The following GOLGA1 variants were observed in gnomAD, a reference collection of about 807,000 sequenced individuals.
GOLGA1 encodes golgin A1, also known as golgin subfamily A member 1.
Under a neutral mutation model 119.7 loss-of-function variants are expected in GOLGA1, and 63 were observed. The observed-to-expected ratio is 0.53, with a 90% CI of 0.43 to 0.65. The LOEUF is 0.65. GOLGA1 is among the 30% of genes least tolerant of loss of function. The pLI, the probability that GOLGA1 is intolerant of heterozygous loss-of-function variation, is 0.00. For missense variants in GOLGA1, 798 were observed against 912.8 expected (o/e 0.87, Z 1.62); for synonymous variants, 318 against 333.4 (o/e 0.95, Z 0.50).
At position 124,880,310 on chromosome 9, in the gene GOLGA1, C is replaced by T; in HGVS notation, c.*220G>A. On this transcript the variant is annotated 3_prime_UTR_variant, in exon 23 of 23. Coordinates refer to ENST00000373555, the MANE Select transcript of GOLGA1 (RefSeq NM_002077.4). The stretch of plus-strand genomic sequence containing the variant: ...AGCACTGTGGAAATCTGGGTAGTGC[C>T]AGGACCCTCCTGTTTGGTGACCAGA... 2 of 430,822 alleles carry T rather than the reference C, an allele frequency of 4.6e-6. No homozygotes were observed. Among genetic ancestry groups the T allele is most frequent in the Non-Finnish European group, 8.7e-6 (2 of 228,580 alleles). The allele number at this position is 430,822 out of a possible 1,614,324, so 26.7% of individuals were successfully genotyped here. A position where few individuals can be genotyped will look rare whatever the true frequency, so the allele number is the denominator to read the frequency against.
At chr9:124,911,850 A>T in intron 11 of GOLGA1, 51 bp downstream of exon 11, 1 of 1,554,764 alleles carries the variant, frequency 6.4e-7, no homozygotes, top group Non-Finnish European at 8.8e-7. Context: ...AAGTCACCAG[A>T]ATCAACCCTG....
chr9:124,946,415 A>T lies in GOLGA1; in HGVS notation c.-156+1503T>A, dbSNP rs1831145739. On this transcript the variant is annotated intron_variant, in intron 1 of 4. Coordinates refer to the GOLGA1 transcript ENST00000421514. This position sits in a 1 kb window ranked among gnomAD's most constrained non-coding sequence, Gnocchi z 4.0. ...GGGTGGTAAAACAGACTCCTGAGATAATTTCTCTATTTTAAGATAATATTG... is the reference window on the plus strand; with the variant it reads ...GGGTGGTAAAACAGACTCCTGAGATTATTTCTCTATTTTAAGATAATATTG... The T allele has an allele frequency of 6.6e-6, 1 of 152,182 alleles. No individual in the cohort carries two copies. Among genetic ancestry groups the T allele is most frequent in the South Asian group, 2.1e-4 (1 of 4,832 alleles). The allele number at this position is 152,182 out of a possible 1,614,324, so 9.4% of individuals were successfully genotyped here. A position where few individuals can be genotyped will look rare whatever the true frequency, so the allele number is the denominator to read the frequency against.
At chr9:124,896,195 C>T (rs933422399) in intron 15 of GOLGA1, among the ~76,000 whole-genome samples, 5 of 152,078 alleles carry the variant, frequency 3.3e-5, no homozygotes, top group African/African-American at 1.2e-4. Flanking sequence ...AGGTGGATCA[C>T]TTGAGGTCAG....
Position 124,923,226 on chromosome 9 carries a change from A to G in GOLGA1, c.433-3T>C, listed in dbSNP as rs999939704. On this transcript the variant is annotated splice_region_variant and splice_polypyrimidine_tract_variant and intron_variant, in intron 7 of 22. Transcript: ENST00000373555. ...TGGGCTGTCAGAATATTTTTCTCCT[A>G]TTTGAAAGAAGAAGACATCAACTCA... 3 of 1,586,110 alleles carry G rather than the reference A, an allele frequency of 1.9e-6. No individual in the cohort carries two copies. Among genetic ancestry groups the G allele is most frequent in the East Asian group, 2.2e-5 (1 of 44,550 alleles).
At chr9:124,889,028 C>T (rs1056579769) in intron 18 of GOLGA1, 115 bp downstream of exon 18, 1 of 775,460 alleles carries the variant, frequency 1.3e-6, no homozygotes, top group Non-Finnish European at 2.0e-6. Context: ...AAGGACCCTA[C>T]ATGCAGGGGA....
chr9:124,895,574 A>C (rs570059270), intron 15 of GOLGA1, among the ~76,000 whole-genome samples: 27 of 146,668 alleles, frequency 1.8e-4, no homozygotes, highest in African/African-American at 6.8e-4. Context: ...CTCCACAACA[A>C]AGAACCACCC....
At chr9:124,884,760 T>C (rs1349327804) in intron 19 of GOLGA1, among the ~76,000 whole-genome samples, 1 of 152,202 alleles carries the variant, frequency 6.6e-6, no homozygotes, top group Non-Finnish European at 1.5e-5. Flanking sequence ...CAAAAGTACA[T>C]TGGCTACTTT....
At chr9:124,920,642 A>G (rs1182782652) in intron 10 of GOLGA1, among the ~76,000 whole-genome samples, 2 of 152,066 alleles carry the variant, frequency 1.3e-5, no homozygotes, top group African/African-American at 2.4e-5. Context: ...GCTTAAAGAC[A>G]TATTTGAGTC....
chr9:124,944,787 T>C (rs1057316635), upstream of GOLGA1: 1 of 152,202 alleles, frequency 6.6e-6, no homozygotes, highest in African/African-American at 2.4e-5. Flanking sequence ...ATTTCATGTT[T>C]GAGAAAATTT....
chr9:124,947,602 C>T (rs1251534110), intron 1 of GOLGA1: 1 of 152,138 alleles, frequency 6.6e-6, no homozygotes, highest in Admixed American at 6.5e-5. Context: ...ATAATATACA[C>T]ATACTGTATC....
chr9:124,909,826 G>A (rs920368150), intron 11 of GOLGA1, among the ~76,000 whole-genome samples: 34 of 152,130 alleles, frequency 2.2e-4, no homozygotes, highest in African/African-American at 8.2e-4. Context: ...AAGTAGTGGT[G>A]CGATCTTGGC....
intron 3 of GOLGA1, among the ~76,000 whole-genome samples, 185 bp from the exon 4 acceptor site, chr9:124,931,591 G>A (rs973387958): frequency 6.6e-6 from 1 of 152,188 alleles, no homozygotes. Flanking sequence ...ATAAAGTGAA[G>A]GAGAGAGGAG....
At position 124,898,654 on chromosome 9, in the gene GOLGA1, C is replaced by G. The variant is rs1435443131; in HGVS notation, c.1312-10G>C. The G allele has an allele frequency of 1.3e-6, 2 of 1,514,932 alleles. No individual in the cohort carries two copies. Among genetic ancestry groups the G allele is most frequent in the East Asian group, 2.3e-5 (1 of 44,430 alleles). The allele number at this position is 1,514,932 out of a possible 1,614,324, so 93.8% of individuals were successfully genotyped here. On this transcript the variant is annotated splice_polypyrimidine_tract_variant and intron_variant, in intron 14 of 22. Coordinates refer to ENST00000373555, the MANE Select transcript of GOLGA1 (RefSeq NM_002077.4). ...CTTGCTCCAGTTGTCTCTGCCAATT[C>G]AGAAGAACACATATAAAAGAAGTCT...
intron 12 of GOLGA1, among the ~76,000 whole-genome samples, chr9:124,905,527 T>C (rs1830210645): frequency 6.6e-6 from 1 of 152,182 alleles, no homozygotes; most frequent in African/African-American, 2.4e-5. Flanking sequence ...AATGAAACTT[T>C]AGGCATATTT....
At chr9:124,925,777 TA>T (rs1830660491) in intron 7 of GOLGA1, among the ~76,000 whole-genome samples, 1 of 152,208 alleles carries the variant, frequency 6.6e-6, no homozygotes, top group East Asian at 1.9e-4. Context: ...AAAGTAAAGT[TA>T]ACTTGGTGTT....
At chr9:124,941,483 C>G (rs544371227), upstream of GOLGA1, among the ~76,000 whole-genome samples, 244 of 152,322 alleles carry the variant, frequency 1.6e-3, no homozygotes, top group African/African-American at 5.7e-3. Flanking sequence ...GCCGCCCGGT[C>G]CCGCCGCACC....
intron 1 of GOLGA1, among the ~76,000 whole-genome samples, chr9:124,940,599 G>C (rs1311844911): frequency 6.6e-6 from 1 of 152,200 alleles, no homozygotes; most frequent in African/African-American, 2.4e-5. Flanking sequence ...CTAACCCCCA[G>C]GGAGGCAGGC....
chr9:124,911,445 G>A (rs1351167882), intron 11 of GOLGA1, among the ~76,000 whole-genome samples: 2 of 152,232 alleles, frequency 1.3e-5, no homozygotes, highest in Non-Finnish European at 2.9e-5. Flanking sequence ...TGATGAGAAA[G>A]TTCCCTTGCA....
At chr9:124,928,397 T>C (rs1365670554) in intron 5 of GOLGA1, 112 bp from the exon 6 acceptor site, 3 of 543,360 alleles carry the variant, frequency 5.5e-6, no homozygotes, top group African/African-American at 2.0e-5. Flanking sequence ...GTCACATAAG[T>C]GGATTGTGAT....
Sources: gnomAD v4.1 joint callset for allele counts (sites outside exome capture counted in the v4.1 genomes callset) on GRCh38, gnomAD v4.1.1 for gene constraint, Gnocchi (gnomAD v3.1) non-coding constraint, MANE v1.5 for transcripts, NCBI Gene and HGNC (gene_info 2026-07-23, HGNC 2026-07-21) for gene names.